STRIP2: variants seen among roughly 807,000 people sequenced by gnomAD.
The protein encoded by STRIP2 is striatin interacting protein 2.
Under a neutral mutation model 107.1 loss-of-function variants are expected in STRIP2, and 84 were observed. That is an observed-to-expected ratio of 0.78 (90% confidence interval 0.66 to 0.94). The LOEUF is 0.94. Among genes scored for constraint, STRIP2 ranks in the 40% least tolerant of loss-of-function variants. The pLI is 0.00. For missense variants in STRIP2, 888 were observed against 1,034.2 expected, an observed-to-expected ratio of 0.86 and a Z score of 1.94; for synonymous variants, 394 against 400.4, an observed-to-expected ratio of 0.98 and a Z score of 0.19.
chr7:129,454,028 A>T lies in STRIP2; in HGVS notation c.531-114A>T, dbSNP rs574337358. 3.5e-4 allele frequency: 311 copies of T among 899,300 alleles called. 1 individual carries two copies. The South Asian group carries it at 4.7e-3, about 14-fold the overall frequency. The allele number at this position is 899,300 out of a possible 1,614,324, so 55.7% of individuals were successfully genotyped here. On this transcript the variant is annotated intron_variant, in intron 5 of 20. Transcript: ENST00000249344. Reference sequence around the variant, plus strand: ...TCCTTTACTCTAGACCAGTTTCATTAGTGGCTGCCTAGCCAGGGAATGGCA... The same window carrying T: ...TCCTTTACTCTAGACCAGTTTCATTTGTGGCTGCCTAGCCAGGGAATGGCA...
At position 129,480,991 on chromosome 7, in the gene STRIP2, T is replaced by C. The variant is rs117437911; in HGVS notation, c.2049+102T>C. On this transcript the variant is annotated intron_variant, in intron 19 of 20. Coordinates refer to ENST00000249344, the MANE Select transcript of STRIP2 (RefSeq NM_020704.3). ...CTACCTGGTTTGTGATCTCCGTATATAGACACTGAATGCTACATAAGATTT... is the reference window on the plus strand; with the variant it reads ...CTACCTGGTTTGTGATCTCCGTATACAGACACTGAATGCTACATAAGATTT... The C allele has an allele frequency of 4.0e-3, 3,190 of 796,448 alleles. 12 individuals are homozygous for C. Among genetic ancestry groups the C allele is most frequent in the Non-Finnish European group, 5.0e-3 (2,415 of 485,798 alleles). The allele number at this position is 796,448 out of a possible 1,614,324, so 49.3% of individuals were successfully genotyped here. A position where few individuals can be genotyped will look rare whatever the true frequency, so the allele number is the denominator to read the frequency against.
Position 129,464,150 on chromosome 7 carries a change from T to C in STRIP2, c.1649+9T>C. ...CTACCTGAGGAGATGCCGTGAGTGC[T>C]TCAACGGGGGCAGCTGCTGGATACT... On this transcript the variant is annotated intron_variant, in intron 15 of 20. Transcript: ENST00000249344. 6.2e-7 allele frequency: 1 copy of C among 1,601,814 alleles called. No homozygotes were observed.
chr7:129,483,435 T>G lies in STRIP2; in HGVS notation c.2254+389T>G. ...TTTACTATATTATATTTATGCCATA[T>G]TTGTACTATGCAGAAATTGCCACCA... On this transcript the variant is annotated intron_variant, in intron 20 of 20. Coordinates refer to ENST00000249344, the MANE Select transcript of STRIP2 (RefSeq NM_020704.3). This position sits in a 1 kb window ranked among gnomAD's most constrained non-coding sequence, Gnocchi z 5.1. 1 of 657,736 alleles carries G rather than the reference T, an allele frequency of 1.5e-6. No homozygotes were observed. The highest frequency in any genetic ancestry group is 1.9e-6 in the Non-Finnish European group (1 of 522,254). 40.7% of individuals were successfully genotyped at this position (657,736 alleles called of 1,614,324 possible).
In STRIP2 at chr7:129,486,153, T is replaced by C. The variant is rs1255262712; in HGVS notation, c.*324T>C. The C allele has an allele frequency of 3.8e-6, 1 of 264,954 alleles. No homozygotes were observed. The highest frequency in any genetic ancestry group is 2.1e-5 in the African/African-American group (1 of 46,530). The allele number at this position is 264,954 out of a possible 1,614,324, so 16.4% of individuals were successfully genotyped here. On this transcript the variant is annotated 3_prime_UTR_variant, in exon 21 of 21. Coordinates refer to ENST00000249344, the MANE Select transcript of STRIP2 (RefSeq NM_020704.3). ...AAAAGAGGAAATTTGTTATGGCATT[T>C]GACCCATGGCATTCATCACAGATAG...
chr7:129,438,267 A>T (rs1797803432), intron 1 of STRIP2, among the ~76,000 whole-genome samples: 1 of 152,250 alleles, frequency 6.6e-6, no homozygotes, highest in African/African-American at 2.4e-5. Flanking sequence ...AGTCTATTAC[A>T]GTTTGTTGCA....
chr7:129,439,514 G>A (rs1352329127), intron 1 of STRIP2, among the ~76,000 whole-genome samples: 1 of 152,140 alleles, frequency 6.6e-6, no homozygotes, highest in Non-Finnish European at 1.5e-5. Flanking sequence ...AACTTGGAGT[G>A]GAGATGTTGC....
In STRIP2 at chr7:129,485,598, G is replaced by A. The variant is rs1799225993; in HGVS notation, c.2274G>A (p.Trp758Ter). 3.7e-6 allele frequency: 6 copies of A among 1,613,816 alleles called. No homozygotes were observed. The highest frequency in any genetic ancestry group is 1.7e-5 in the Admixed American group (1 of 59,956). The change falls in exon 21 of 21, where the codon TGG becomes TGA. Residue 758 changes from tryptophan to a stop codon, truncating the protein, a stop_gained. Transcript: ENST00000249344. LOFTEE classifies it high-confidence loss of function. ...ACACAGACATCGATGCCAGACCATG[G>A]GACTTCCAAGCAGAAGAATGTACCT... ...AYGNDIDARP[W>*]DFQAEECTLR... is the part of the protein sequence containing the mutation.
At chr7:129,450,918 CTTTTTTTTTTTTTTTTTTTTT>C (rs758536953) in intron 3 of STRIP2, among the ~76,000 whole-genome samples, 9 of 54,512 alleles carry the variant, frequency 1.7e-4, no homozygotes, top group Admixed American at 9.2e-4. Flanking sequence ...GAGAAAGGTC[CTTTTTTTTTTTTTTTTTTTTT>C]TTTTTTTTTT....
At chr7:129,445,264 T>C (rs1164799844) in intron 3 of STRIP2, among the ~76,000 whole-genome samples, 1 of 152,176 alleles carries the variant, frequency 6.6e-6, no homozygotes, top group Non-Finnish European at 1.5e-5. Flanking sequence ...ACTGATTTCA[T>C]CTTGATAGTC....
chr7:129,470,810 G>T, intron 18 of STRIP2, 95 bp downstream of exon 18: 2 of 1,010,828 alleles, frequency 2.0e-6, no homozygotes, highest in South Asian at 1.3e-5. Context: ...TAATGCCCTG[G>T]TTTGAGAGTC....
In STRIP2 at chr7:129,485,934, G is replaced by C; in HGVS notation, c.*105G>C. 3 of 1,294,622 alleles carry C rather than the reference G, an allele frequency of 2.3e-6. No homozygotes were observed. Among genetic ancestry groups the C allele is most frequent in the East Asian group, 2.3e-5 (1 of 42,930 alleles). The allele number at this position is 1,294,622 out of a possible 1,614,324, so 80.2% of individuals were successfully genotyped here. A position where few individuals can be genotyped will look rare whatever the true frequency, so the allele number is the denominator to read the frequency against. On this transcript the variant is annotated 3_prime_UTR_variant, in exon 21 of 21. Transcript: ENST00000249344. ...GCTGTTACCAGTTCAGGGCTCTTCT[G>C]GGGGCTCTTGGGCCTAAAGATGGTG...
Position 129,439,307 on chromosome 7 carries a change from G to A in STRIP2, c.130-715G>A, listed in dbSNP as rs75684177. Among the ~76,000 whole-genome samples, 1,019 of 152,316 alleles carry A rather than the reference G, an allele frequency of 6.7e-3. 12 individuals are homozygous for A. Among genetic ancestry groups the A allele is most frequent in the African/African-American group, 0.023 (965 of 41,562 alleles). ...ATTTTTTATGTCACGCTGAGGCACA[G>A]AGAGGTTAACTTGTCCAAGATCAAA... On this transcript the variant is annotated intron_variant, in intron 1 of 20. Coordinates refer to ENST00000249344, the MANE Select transcript of STRIP2 (RefSeq NM_020704.3).
At chr7:129,470,770 ATT>A in intron 18 of STRIP2, 55 bp downstream of exon 18, 1 of 1,479,168 alleles carries the variant, frequency 6.8e-7, no homozygotes, top group Non-Finnish European at 9.4e-7. Flanking sequence ...ACAGGTTGGC[ATT>A]TGCTCTTTCA....
chr7:129,444,843 A>T (rs1797993075), intron 3 of STRIP2, among the ~76,000 whole-genome samples: 2 of 152,230 alleles, frequency 1.3e-5, no homozygotes, highest in Admixed American at 6.5e-5. Flanking sequence ...TTAAATGCTG[A>T]TATGAAGTCA....
chr7:129,453,241 T>C lies in STRIP2; in HGVS notation c.424T>C (p.Cys142Arg), dbSNP rs1798246241. The change falls in exon 5 of 21, where the codon TGT becomes CGT. Residue 142 changes from cysteine (C) to arginine (R), a missense_variant. By Grantham distance (180) the Cys-to-Arg change is radical (BLOSUM62 -3). Coordinates refer to ENST00000249344, the MANE Select transcript of STRIP2 (RefSeq NM_020704.3). ...LYLAQGTFGECDSEVDVLHWS... is the reference protein window; with the variant it reads ...LYLAQGTFGERDSEVDVLHWS... The stretch of plus-strand genomic sequence containing the variant: ...TGGTCCTTTAGGTACTTTTGGGGAA[T>C]GTGATTCAGAGGTCGATGTGCTACA... 5 of 1,613,990 alleles carry C rather than the reference T, an allele frequency of 3.1e-6. No homozygotes were observed. Among genetic ancestry groups the C allele is most frequent in the Non-Finnish European group, 4.2e-6 (5 of 1,179,990 alleles).
rs1799187670 is a variant in STRIP2, at chr7:129,483,961, G to GTCTTGAAC, written c.2254+918_2254+925dup. Among the ~76,000 whole-genome samples the GTCTTGAAC allele has an allele frequency of 6.6e-6, 1 of 152,042 alleles. No homozygotes were observed. Among genetic ancestry groups the GTCTTGAAC allele is most frequent in the African/African-American group, 2.4e-5 (1 of 41,382 alleles). ...GTCTCTCCCTGTGTTGCCCAGGCTG[G>GTCTTGAAC]TCTTGAACTCCTGGGCTCAAGGGAT... On this transcript the variant is annotated intron_variant, in intron 20 of 20. Transcript: ENST00000249344. The surrounding 1 kb of genome is among the most constrained non-coding windows in gnomAD (Gnocchi z 5.1).
At chr7:129,480,050 C>T (rs1462576808) in intron 18 of STRIP2, among the ~76,000 whole-genome samples, 1 of 152,176 alleles carries the variant, frequency 6.6e-6, no homozygotes. Flanking sequence ...GTTAGTTTGG[C>T]TGTCACGTGT....
chr7:129,478,572 T>C (rs1799033338), intron 18 of STRIP2, among the ~76,000 whole-genome samples: 1 of 152,172 alleles, frequency 6.6e-6, no homozygotes, highest in Non-Finnish European at 1.5e-5. Flanking sequence ...GGCCAACTGG[T>C]TAAATAAATT....
At chr7:129,463,167 T>C (rs1798587377) in intron 14 of STRIP2, 127 bp downstream of exon 14, 1 of 697,104 alleles carries the variant, frequency 1.4e-6, no homozygotes, top group Admixed American at 2.8e-5. Context: ...TGGCAAGGCA[T>C]TCTCTGACAC....
Sources: gnomAD v4.1 joint callset for allele counts (sites outside exome capture counted in the v4.1 genomes callset) on GRCh38, gnomAD v4.1.1 for gene constraint, Gnocchi (gnomAD v3.1) non-coding constraint, MANE v1.5 for transcripts, NCBI Gene and HGNC (gene_info 2026-07-23, HGNC 2026-07-21) for gene names.